The following TAFA5 variants were observed in gnomAD, a reference collection of about 807,000 sequenced individuals.
TAFA5 encodes chemokine-like protein TAFA-5.
In TAFA5, 6 loss-of-function variants were observed where a neutral mutation model predicts 15.3. The ratio of observed to expected loss-of-function variants is 0.39; its 90% CI spans 0.21 to 0.77. TAFA5 has a LOEUF of 0.77. Ranked by LOEUF, TAFA5 falls within the 30% of genes least tolerant of loss-of-function variation. The probability of loss-of-function intolerance (pLI) is 0.41; values close to 1 mark genes in which losing one functional copy is unlikely to be tolerated. For synonymous variants in TAFA5, 103 were observed against 80.7 expected (o/e 1.28, Z -1.48); for missense variants, 161 against 193.1 (o/e 0.83, Z 0.98).
intron 1 of TAFA5, among the ~76,000 whole-genome samples, chr22:48,618,599 G>A (rs955331523): frequency 1.3e-5 from 2 of 152,100 alleles, no homozygotes; most frequent in East Asian, 3.9e-4. Flanking sequence ...TGCACAGTGG[G>A]CCCTTGCTAT....
chr22:48,633,958 G>C (rs551201957), intron 1 of TAFA5, among the ~76,000 whole-genome samples: 1 of 152,168 alleles, frequency 6.6e-6, no homozygotes, highest in Admixed American at 6.5e-5. Context: ...AGGCCCCCAC[G>C]CTTTCCAGGG....
intron 3 of TAFA5, among the ~76,000 whole-genome samples, chr22:48,727,204 C>A (rs773314843): frequency 6.6e-6 from 1 of 152,166 alleles, no homozygotes; most frequent in East Asian, 1.9e-4. Flanking sequence ...ATAAATGATT[C>A]CTCTAACTAT....
intron 1 of TAFA5, among the ~76,000 whole-genome samples, chr22:48,637,955 C>CG (rs1926511217): frequency 6.6e-6 from 1 of 152,108 alleles, no homozygotes; most frequent in African/African-American, 2.4e-5. Flanking sequence ...CTGTCCTGCC[C>CG]GGGGGTCACT....
Position 48,576,051 on chromosome 22 carries a change from C to A in TAFA5, c.113-70546C>A, listed in dbSNP as rs963101355. ...GGGGCCGCGCCGGACCCCCCCCCCCCCCGCGCCGCCCGGCCGTTGCGCAAT... is the reference window on the plus strand; with the variant it reads ...GGGGCCGCGCCGGACCCCCCCCCCCACCGCGCCGCCCGGCCGTTGCGCAAT... On this transcript the variant is annotated intron_variant, in intron 1 of 3. Coordinates refer to ENST00000402357, the MANE Select transcript of TAFA5 (RefSeq NM_001082967.3). Among the ~76,000 whole-genome samples, 65 of 115,944 alleles carry A rather than the reference C, an allele frequency of 5.6e-4. 4 individuals are homozygous for A. The highest frequency in any genetic ancestry group is 4.0e-3 in the Admixed American group (52 of 12,916). 76.1% of individuals were successfully genotyped at this position (115,944 alleles called of 152,430 possible). A position where few individuals can be genotyped will look rare whatever the true frequency, so the allele number is the denominator to read the frequency against.
rs999518145 is a variant in TAFA5, at chr22:48,551,525, C to A, written c.112+61821C>A. Reference sequence around the variant, plus strand: ...GGTTTTCCAGGCACACACTAAGGGGCCCAGCCCATCAAGAATTCCGCTCCA... The same window carrying A: ...GGTTTTCCAGGCACACACTAAGGGGACCAGCCCATCAAGAATTCCGCTCCA... On this transcript the variant is annotated intron_variant, in intron 1 of 3. Transcript: ENST00000402357. Among the ~76,000 whole-genome samples the A allele has an allele frequency of 2.0e-5, 3 of 152,182 alleles. No individual in the cohort carries two copies. In the East Asian group the frequency reaches 5.8e-4, roughly 29 times the overall value.
At chr22:48,659,779 C>T (rs13057606) in intron 2 of TAFA5, among the ~76,000 whole-genome samples, 25,746 of 149,238 alleles carry the variant, frequency 0.17, 2,727 homozygotes, top group Non-Finnish European at 0.23. Context: ...GAACAAGGAC[C>T]AGCAGCCCCA....
rs138609914 is a variant in TAFA5, at chr22:48,747,726, A to G, written c.391-2113A>G. Among the ~76,000 whole-genome samples, 560 of 152,104 alleles carry G rather than the reference A, an allele frequency of 3.7e-3. 2 individuals are homozygous for G. Among genetic ancestry groups the G allele is most frequent in the African/African-American group, 0.013 (539 of 41,492 alleles). On this transcript the variant is annotated intron_variant, in intron 3 of 3. Transcript: ENST00000402357. ...AGCCCAGCCAACATGGTGAAAGTCC[A>G]TCTCTACTAAAAATATAAAAATTAG... is the stretch of plus-strand genomic sequence containing the variant.
At chr22:48,651,435 G>A (rs1470344243) in intron 2 of TAFA5, among the ~76,000 whole-genome samples, 1 of 152,220 alleles carries the variant, frequency 6.6e-6, no homozygotes, top group African/African-American at 2.4e-5. Flanking sequence ...TGGGTGTTGG[G>A]TGGAGCCTTA....
intron 1 of TAFA5, among the ~76,000 whole-genome samples, chr22:48,616,995 G>C (rs1452672974): frequency 6.6e-6 from 1 of 152,132 alleles, no homozygotes; most frequent in East Asian, 1.9e-4. Context: ...AACAAAACCA[G>C]GGCTGGGCTG....
chr22:48,554,475 G>T (rs1922961568), intron 1 of TAFA5, among the ~76,000 whole-genome samples: 1 of 152,112 alleles, frequency 6.6e-6, no homozygotes, highest in South Asian at 2.1e-4. Context: ...TTAATCACAT[G>T]AGTTAATTAC....
chr22:48,642,735 G>T (rs906935132), intron 1 of TAFA5, among the ~76,000 whole-genome samples: 4 of 152,182 alleles, frequency 2.6e-5, no homozygotes, highest in African/African-American at 9.7e-5. Context: ...CATGTGTGTG[G>T]GTTGTGTGTG....
rs1923399236 is a variant in TAFA5 at position 48,566,118 on chromosome 22, T to C, written c.112+76414T>C. Among the ~76,000 whole-genome samples the C allele has an allele frequency of 6.6e-6, 1 of 151,180 alleles. No homozygotes were observed. Among genetic ancestry groups the C allele is most frequent in the Admixed American group, 6.6e-5 (1 of 15,200 alleles). On this transcript the variant is annotated intron_variant, in intron 1 of 3. Coordinates refer to ENST00000402357, the MANE Select transcript of TAFA5 (RefSeq NM_001082967.3). The surrounding 1 kb of genome is among the most constrained non-coding windows in gnomAD (Gnocchi z 4.5). Reference sequence around the variant, plus strand: ...TAGGTGGATATGGATAGATAGATGATGGATGGATGGATGATGAATGGATGA... The same window carrying C: ...TAGGTGGATATGGATAGATAGATGACGGATGGATGGATGATGAATGGATGA...
chr22:48,740,480 T>C (rs1930148562), intron 3 of TAFA5, among the ~76,000 whole-genome samples: 1 of 152,192 alleles, frequency 6.6e-6, no homozygotes, highest in African/African-American at 2.4e-5. Flanking sequence ...TGAGCAAAAG[T>C]GGGCTTACCA....
At chr22:48,694,684 G>A (rs969663298) in intron 2 of TAFA5, among the ~76,000 whole-genome samples, 4 of 152,036 alleles carry the variant, frequency 2.6e-5, no homozygotes, top group Non-Finnish European at 5.9e-5. Context: ...TGTGTCCCCG[G>A]GCCACAGTGC....
intron 1 of TAFA5, among the ~76,000 whole-genome samples, chr22:48,497,215 C>T (rs1338815970): frequency 6.6e-6 from 1 of 152,244 alleles, no homozygotes; most frequent in Non-Finnish European, 1.5e-5. Flanking sequence ...GCCGCGCCTC[C>T]CTCCTTCCCG....
intron 1 of TAFA5, 98 bp from the exon 2 acceptor site, chr22:48,646,499 G>A (rs544360016): frequency 6.8e-7 from 1 of 1,465,764 alleles, no homozygotes; most frequent in African/African-American, 1.4e-5. Context: ...CTGTGGCCTG[G>A]CTGCTGGGGG....
intron 1 of TAFA5, among the ~76,000 whole-genome samples, chr22:48,641,464 C>T (rs1444791455): frequency 2.6e-5 from 4 of 152,096 alleles, no homozygotes; most frequent in African/African-American, 7.2e-5. Flanking sequence ...ATGTCACTGC[C>T]TTTCTAAGAA....
At chr22:48,608,616 A>G (rs1350246421) in intron 1 of TAFA5, among the ~76,000 whole-genome samples, 15 of 152,102 alleles carry the variant, frequency 9.9e-5, no homozygotes, top group Admixed American at 9.8e-4. Context: ...GCTGACCGTG[A>G]TGGTGGAAGC....
intron 1 of TAFA5, among the ~76,000 whole-genome samples, chr22:48,602,034 C>T (rs1156481998): frequency 1.3e-5 from 2 of 152,162 alleles, no homozygotes; most frequent in African/African-American, 4.8e-5. Context: ...GTTAAGCCCT[C>T]AGAGGTCTGT....
Sources: gnomAD v4.1 joint callset for allele counts (sites outside exome capture counted in the v4.1 genomes callset) on GRCh38, gnomAD v4.1.1 for gene constraint, Gnocchi (gnomAD v3.1) non-coding constraint, MANE v1.5 for transcripts, NCBI Gene and HGNC (gene_info 2026-07-23, HGNC 2026-07-21) for gene names.